Variants in SH2D5 observed in about 807,000 individuals in gnomAD.
The protein encoded by SH2D5 is SH2 domain-containing protein 5.
A neutral mutation model predicts 48.2 loss-of-function variants in SH2D5; 45 were observed. That is an observed-to-expected ratio of 0.93 (90% CI 0.73 to 1.20). The LOEUF (loss-of-function observed/expected upper bound fraction) is 1.20. Among genes scored for constraint, SH2D5 ranks in the 50% most tolerant of loss-of-function variants. The pLI, the probability that SH2D5 is intolerant of heterozygous loss-of-function variation, is 0.00. For synonymous variants in SH2D5, 230 were observed against 249.8 expected (o/e 0.92, Z 0.75); for missense variants, 538 against 584.1 (o/e 0.92, Z 0.81).
intron 9 of SH2D5, 36 bp from the exon 10 acceptor site, chr1:20,722,031 C>T (rs1286787375): frequency 1.9e-6 from 3 of 1,590,322 alleles, no homozygotes. Context: ...CAGTCCCCTT[C>T]CCCAGGGCTC....
At chr1:20,727,341 G>A (rs2054821113) in intron 3 of SH2D5, 182 bp downstream of exon 3, 1 of 654,936 alleles carries the variant, frequency 1.5e-6, no homozygotes, top group Non-Finnish European at 2.7e-6. Flanking sequence ...CCAGGTCACA[G>A]TAGCCCAGGG....
rs1306054921 is a variant in SH2D5, at chr1:20,721,801, G to C, written c.1263C>G (p.Gly421=). ...ACCGGGGCCCTACCTCTTAGCCCAG[G>C]CCCTGCAGCTCTGCCTCGGACTTGG... ...SHAKSEAELQ[G]LG The change falls in exon 10 of 10, where the codon GGC becomes GGG. Residue 421 remains glycine (G), a synonymous_variant. Transcript: ENST00000444387. 2 of 1,576,188 alleles carry C rather than the reference G, an allele frequency of 1.3e-6. No individual in the cohort carries two copies. The highest frequency in any genetic ancestry group is 1.7e-6 in the Non-Finnish European group (2 of 1,159,658).
intron 4 of SH2D5, 71 bp downstream of exon 4, chr1:20,726,930 G>T: frequency 7.5e-7 from 1 of 1,335,024 alleles, no homozygotes; most frequent in South Asian, 1.4e-5. Flanking sequence ...CCTAGGCAGA[G>T]GAGAGCGCAT....
chr1:20,721,915 G>T lies in SH2D5; in HGVS notation c.1149C>A (p.Leu383=). ...AVTERSLFCP[L]DMGRLNPTYE... ...AGGTGGGGTTCAGGCGGCCCATGTC[G>T]AGGGGACAGAAGAGGCTACGTTCAG... The change falls in exon 10 of 10, where the codon CTC becomes CTA. Residue 383 remains leucine (L), a synonymous_variant. Transcript: ENST00000444387. The T allele has an allele frequency of 1.2e-6, 2 of 1,613,212 alleles. No individual in the cohort carries two copies. Among genetic ancestry groups the T allele is most frequent in the Non-Finnish European group, 1.7e-6 (2 of 1,179,990 alleles).
At chr1:20,725,554 C>G (rs1303760862) in intron 5 of SH2D5, among the ~76,000 whole-genome samples, 1 of 152,152 alleles carries the variant, frequency 6.6e-6, no homozygotes, top group Non-Finnish European at 1.5e-5. Context: ...GAGTGGCCAT[C>G]CAGAGGAGTC....
intron 3 of SH2D5, 76 bp from the exon 4 acceptor site, chr1:20,727,151 C>CTG: frequency 7.7e-7 from 1 of 1,303,656 alleles, no homozygotes; most frequent in Non-Finnish European, 1.1e-6. Context: ...CAGGACCATC[C>CTG]ACCAAAGGCT....
chr1:20,724,235 G>T lies in SH2D5; in HGVS notation c.647C>A (p.Ser216Ter). 1 of 1,612,680 alleles carries T rather than the reference G, an allele frequency of 6.2e-7. No individual in the cohort carries two copies. Among genetic ancestry groups the T allele is most frequent in the Non-Finnish European group, 8.5e-7 (1 of 1,179,896 alleles). Reference sequence around the variant, plus strand: ...GCGGGCATGGCGGGCACGGCCTTCCGACTCTGGCAGCTCCTTCTAGGGCAC... The same window carrying T: ...GCGGGCATGGCGGGCACGGCCTTCCTACTCTGGCAGCTCCTTCTAGGGCAC... ...LVGSGKELPE[S>*]EGRARHARLG... Residue 216 changes from serine to a stop codon, truncating the protein, a stop_gained, in exon 7 of 10, where the codon TCG becomes TAG. Coordinates refer to ENST00000444387, the MANE Select transcript of SH2D5 (RefSeq NM_001103161.2). LOFTEE classifies it high-confidence loss of function.
At chr1:20,727,445 A>C (rs1352545889) in intron 3 of SH2D5, 78 bp downstream of exon 3, 1 of 1,308,782 alleles carries the variant, frequency 7.6e-7, no homozygotes, top group Non-Finnish European at 1.1e-6. Context: ...CTGTGGGGAG[A>C]GTGGATCTGG....
At chr1:20,723,512 G>A in intron 8 of SH2D5, 114 bp downstream of exon 8, 1 of 750,658 alleles carries the variant, frequency 1.3e-6, no homozygotes, top group Non-Finnish European at 2.2e-6. Flanking sequence ...AGGTCACTGA[G>A]GTTGGGAGCG....
At chr1:20,725,774 G>T in intron 5 of SH2D5, 146 bp downstream of exon 5, 2 of 987,242 alleles carry the variant, frequency 2.0e-6, no homozygotes, top group Non-Finnish European at 1.5e-6. Flanking sequence ...AGTGGGAAGA[G>T]CCACAGAAAG....
In SH2D5 at chr1:20,724,167, C is replaced by T; in HGVS notation, c.715G>A (p.Ala239Thr). 6.2e-7 allele frequency: 1 copy of T among 1,613,024 alleles called. No homozygotes were observed. The highest frequency in any genetic ancestry group is 8.5e-7 in the Non-Finnish European group (1 of 1,180,006). The part of the protein sequence containing the change: ...YCSPTLVRKK[A>T]IRSKVIRSGA... The stretch of plus-strand genomic sequence containing the variant: ...GAGCGGATCACCTTGCTGCGAATGG[C>T]CTTCTTGCGCACCAGCGTGGGCGAG... Residue 239 changes from alanine (A) to threonine (T), a missense_variant, in exon 7 of 10, where the codon GCC becomes ACC. By Grantham distance (58) the Ala-to-Thr change is moderately conservative. Transcript: ENST00000444387.
chr1:20,723,045 G>A (rs1557615247), intron 8 of SH2D5, 130 bp from the exon 9 acceptor site: 1 of 869,156 alleles, frequency 1.2e-6, no homozygotes, highest in Non-Finnish European at 1.6e-6. Context: ...GCCGGGCTCA[G>A]TGGCTCATGC....
At position 20,727,036 on chromosome 1, in the gene SH2D5, G is replaced by C. The variant is rs1294250354; in HGVS notation, c.208C>G (p.Leu70Val). The C allele has an allele frequency of 6.2e-7, 1 of 1,612,144 alleles. No individual in the cohort carries two copies. The highest frequency in any genetic ancestry group is 1.1e-5 in the South Asian group (1 of 90,578). ...CCGCTGTAGATCTTGAGACCCTGAA[G>C]GCTGAATTTCAGGATGACGGCCCGG... ...RRRAVILKFSLQGLKIYSGEG... is the reference protein window; with the variant it reads ...RRRAVILKFSVQGLKIYSGEG... Residue 70 changes from leucine to valine, a missense_variant, in exon 4 of 10, where the codon CTT (leucine) becomes GTT (valine). Transcript: ENST00000444387.
intron 4 of SH2D5, among the ~76,000 whole-genome samples, chr1:20,726,290 G>A (rs974877052): frequency 6.6e-6 from 1 of 152,232 alleles, no homozygotes; most frequent in African/African-American, 2.4e-5. Flanking sequence ...GGGGTGACAC[G>A]CCTGGTCCCT....
chr1:20,731,711 G>C (rs1450998419), intron 1 of SH2D5: 2 of 152,154 alleles, frequency 1.3e-5, no homozygotes, highest in Non-Finnish European at 2.9e-5. Context: ...GGGGCGGGTG[G>C]GCCGAGGCCC....
chr1:20,727,121 T>A, intron 3 of SH2D5, 46 bp from the exon 4 acceptor site: 2 of 1,504,128 alleles, frequency 1.3e-6, no homozygotes, highest in Non-Finnish European at 9.1e-7. Flanking sequence ...TCCCAGACCC[T>A]GCCTTGGCCT....
At chr1:20,725,791 T>C (rs2054785936) in intron 5 of SH2D5, 129 bp downstream of exon 5, 1 of 1,125,702 alleles carries the variant, frequency 8.9e-7, no homozygotes, top group Non-Finnish European at 1.3e-6. Flanking sequence ...AAAGAGCCAA[T>C]GTGGTGAGGG....
In SH2D5 at chr1:20,723,708, G is replaced by C. The variant is rs184773097; in HGVS notation, c.826C>G (p.Arg276Gly). ...AFPAAWEAWPRGPGGHSCLVE... is the reference protein window; with the variant it reads ...AFPAAWEAWPGGPGGHSCLVE... ...AGGCACGAGTGGCCACCAGGACCCC[G>C]GGGCCATGCCTCCCATGCGGCAGGA... The change falls in exon 8 of 10, where the codon CGG (arginine) becomes GGG (glycine). Residue 276 changes from arginine (R) to glycine (G), a missense_variant. Physicochemically the swap from Arg to Gly is moderately radical, Grantham distance 125. Transcript: ENST00000444387. 2.2e-5 allele frequency: 35 copies of C among 1,612,942 alleles called. No homozygotes were observed. The South Asian group carries it at 3.4e-4, about 16-fold the overall frequency.
rs762794952 is a variant in SH2D5 at position 20,727,066 on chromosome 1, G to A, written c.178C>T (p.Arg60Ter). The A allele has an allele frequency of 1.3e-4, 204 of 1,611,122 alleles. 1 individual carries two copies. The highest frequency in any genetic ancestry group is 3.3e-5 in the Admixed American group (2 of 59,826). Residue 60 changes from arginine (R) to a stop codon, truncating the protein, a stop_gained, in exon 4 of 10, where the codon CGA (arginine) becomes TGA (stop). Coordinates refer to ENST00000444387, the MANE Select transcript of SH2D5 (RefSeq NM_001103161.2). LOFTEE classifies it high-confidence loss of function. ...QQLWALKDCP[R>*]RRAVILKFSL... ...AATTTCAGGATGACGGCCCGGCGTC[G>A]GGGACAGTCCTGGGTGGAAAAGAGT...
Sources: allele counts gnomAD v4.1 joint callset (sites outside exome capture counted in the v4.1 genomes callset), GRCh38; gene constraint gnomAD v4.1.1; transcripts MANE v1.5; gene names NCBI Gene and HGNC (gene_info 2026-07-23, HGNC 2026-07-21).